The following ANGPT2 variants were observed in gnomAD, a reference collection of about 807,000 sequenced individuals.
ANGPT2 encodes angiopoietin 2, also known as angiopoietin-2.
In ANGPT2, 28 loss-of-function variants were observed where a neutral mutation model predicts 62.9. The ratio of observed to expected loss-of-function variants is 0.44; its 90% CI spans 0.33 to 0.61. The LOEUF (loss-of-function observed/expected upper bound fraction) is 0.61. Among genes scored for constraint, ANGPT2 ranks in the 20% least tolerant of loss-of-function variants. ANGPT2 has a pLI of 0.03. For missense variants in ANGPT2, 727 were observed against 594.9 expected, an observed-to-expected ratio of 1.22 and a Z score of -2.31; for synonymous variants, 284 against 207.8, an observed-to-expected ratio of 1.37 and a Z score of -3.15.
intron 8 of ANGPT2, among the ~76,000 whole-genome samples, chr8:6,505,352 T>C (rs1388130900): frequency 3.6e-5 from 2 of 55,910 alleles, no homozygotes; most frequent in African/African-American, 1.2e-4. Flanking sequence ...ATATATATTC[T>C]TTCTATATGT....
At chr8:6,515,835 A>G (rs952510515) in intron 5 of ANGPT2, among the ~76,000 whole-genome samples, 2 of 152,216 alleles carry the variant, frequency 1.3e-5, no homozygotes, top group African/African-American at 2.4e-5. Flanking sequence ...TTCAACGCAC[A>G]CTGTTCTCTG....
At chr8:6,511,552 GA>G (rs201475579) in intron 7 of ANGPT2, among the ~76,000 whole-genome samples, 3 of 151,022 alleles carry the variant, frequency 2.0e-5, no homozygotes, top group South Asian at 2.1e-4. Flanking sequence ...TTTCTTCTGG[GA>G]AAAAAAAATC....
At chr8:6,549,174 T>G (rs17623747) in intron 1 of ANGPT2, among the ~76,000 whole-genome samples, 6,476 of 152,284 alleles carry the variant, frequency 0.043, 199 homozygotes, top group East Asian at 0.095. Flanking sequence ...GTTTGTACAG[T>G]TGAGTGTTGA....
At chr8:6,512,906 T>C (rs1815464542) in intron 7 of ANGPT2, among the ~76,000 whole-genome samples, 3 of 152,246 alleles carry the variant, frequency 2.0e-5, no homozygotes, top group Non-Finnish European at 4.4e-5. Context: ...CTCTGCCATC[T>C]CTAAACTTGA....
intron 6 of ANGPT2, among the ~76,000 whole-genome samples, chr8:6,514,139 A>C (rs570146751): frequency 1.0e-3 from 153 of 152,294 alleles, no homozygotes; most frequent in African/African-American, 3.5e-3. Flanking sequence ...AGCACCATTA[A>C]ACAGTCGGCT....
chr8:6,505,350 TCTTTC>T lies in ANGPT2; in HGVS notation c.1328-2094_1328-2090del, dbSNP rs1563306408. Among the ~76,000 whole-genome samples the T allele has an allele frequency of 1.4e-3, 77 of 53,838 alleles. 3 individuals are homozygous for T. Among genetic ancestry groups the T allele is most frequent in the Admixed American group, 9.5e-3 (46 of 4,834 alleles). 35.3% of individuals were successfully genotyped at this position (53,838 alleles called of 152,430 possible). Reference sequence around the variant, plus strand: ...ATACATATAGAAAGAATATATATATTCTTTCTATATGTATATAGAATATATATATT... The same window carrying T: ...ATACATATAGAAAGAATATATATATTTATATGTATATAGAATATATATATT... On this transcript the variant is annotated intron_variant, in intron 8 of 8. Transcript: ENST00000629816.
At position 6,514,723 on chromosome 8, in the gene ANGPT2, T is replaced by A. The variant is rs200291021; in HGVS notation, c.983A>T (p.Glu328Val). ...CCTCTGAAAATCAACGCTGCCATCC[T>A]CACGTCGCTGAATAATTGTCCACCC... ...GGGWTIIQRR[E>V]DGSVDFQRTW... Residue 328 changes from glutamate to valine, a missense_variant, in exon 6 of 9, where the codon GAG (glutamate) becomes GTG (valine). Coordinates refer to ENST00000629816, the MANE Select transcript of ANGPT2 (RefSeq NM_001118887.2). 271 of 1,614,024 alleles carry A rather than the reference T, an allele frequency of 1.7e-4. No homozygotes were observed. Among genetic ancestry groups the A allele is most frequent in the Non-Finnish European group, 2.1e-4 (248 of 1,180,028 alleles).
intron 2 of ANGPT2, 23 bp from the exon 3 acceptor site, chr8:6,527,699 C>G (rs369392764): frequency 5.1e-6 from 8 of 1,573,634 alleles, no homozygotes; most frequent in Non-Finnish European, 6.9e-6. Flanking sequence ...AAATGAAGTT[C>G]CTATTAATTA....
chr8:6,543,722 T>C (rs1236852147), intron 1 of ANGPT2, among the ~76,000 whole-genome samples: 2 of 152,184 alleles, frequency 1.3e-5, no homozygotes, highest in Non-Finnish European at 2.9e-5. Context: ...ACCCCTTGTA[T>C]TGGATGAGAT....
At chr8:6,558,673 G>C (rs1185479709) in intron 1 of ANGPT2, among the ~76,000 whole-genome samples, 1 of 152,110 alleles carries the variant, frequency 6.6e-6, no homozygotes, top group Admixed American at 6.6e-5. Context: ...TAGAAGGTAA[G>C]GTTATGGAAA....
chr8:6,541,555 C>T (rs1410941377), intron 1 of ANGPT2, among the ~76,000 whole-genome samples: 2 of 152,146 alleles, frequency 1.3e-5, no homozygotes, highest in Non-Finnish European at 2.9e-5. Context: ...CGGAGACGCT[C>T]GGCAGGTCCT....
At chr8:6,520,145 C>T (rs1817038178) in intron 4 of ANGPT2, 154 bp from the exon 5 acceptor site, 2 of 771,658 alleles carry the variant, frequency 2.6e-6, no homozygotes, top group African/African-American at 1.7e-5. Flanking sequence ...TAGAAAGTTT[C>T]CTTTCAGCCT....
chr8:6,559,540 T>A (rs1193895193), intron 1 of ANGPT2, among the ~76,000 whole-genome samples: 1 of 145,934 alleles, frequency 6.9e-6, no homozygotes, highest in Non-Finnish European at 1.5e-5. Context: ...GAGGAAATGT[T>A]TGCCTCCGTA....
intron 5 of ANGPT2, 60 bp from the exon 6 acceptor site, chr8:6,514,838 A>G: frequency 7.0e-7 from 1 of 1,434,612 alleles, no homozygotes; most frequent in Non-Finnish European, 9.8e-7. Flanking sequence ...CTTACGTAGC[A>G]GAAGCAGGAG....
In ANGPT2 at chr8:6,516,402, A is replaced by G. The variant is rs150471128; in HGVS notation, c.928-1624T>C. Among the ~76,000 whole-genome samples the G allele has an allele frequency of 2.6e-5, 4 of 152,322 alleles. No homozygotes were observed. In the East Asian group the frequency reaches 7.7e-4, roughly 29 times the overall value. On this transcript the variant is annotated intron_variant, in intron 5 of 8. Transcript: ENST00000629816. ...TGATCAGTTACTCACCTTCTAAGTG[A>G]TATATAGGATTTGAATAAGGTCTCT...
chr8:6,514,659 C>T lies in ANGPT2; in HGVS notation c.1029+18G>A, dbSNP rs777582880. On this transcript the variant is annotated intron_variant, in intron 6 of 8. Coordinates refer to ENST00000629816, the MANE Select transcript of ANGPT2 (RefSeq NM_001118887.2). ...CACAAGGGAAATTCTTTTCTGATGC[C>T]TTAAAGAATGTCCTTACCACTTTAT... 2 of 1,606,394 alleles carry T rather than the reference C, an allele frequency of 1.2e-6. No homozygotes were observed. The highest frequency in any genetic ancestry group is 1.1e-5 in the South Asian group (1 of 90,890).
intron 3 of ANGPT2, among the ~76,000 whole-genome samples, chr8:6,524,468 C>T (rs1312791335): frequency 6.6e-6 from 1 of 152,186 alleles, no homozygotes; most frequent in African/African-American, 2.4e-5. Context: ...TCTGAAGCCT[C>T]CTGAGTCACT....
chr8:6,530,790 T>G (rs973209917), intron 2 of ANGPT2, among the ~76,000 whole-genome samples: 3 of 152,222 alleles, frequency 2.0e-5, no homozygotes, highest in Non-Finnish European at 4.4e-5. Flanking sequence ...ATTTCACTAC[T>G]GTTTTCTCTG....
chr8:6,509,100 G>T (rs772309086), intron 7 of ANGPT2, 38 bp from the exon 8 acceptor site: 3 of 1,598,236 alleles, frequency 1.9e-6, no homozygotes. Flanking sequence ...ATTGGCTAGG[G>T]TCATTGATTT....
Sources: gnomAD v4.1 joint callset for allele counts (sites outside exome capture counted in the v4.1 genomes callset) on GRCh38, gnomAD v4.1.1 for gene constraint, MANE v1.5 for transcripts, NCBI Gene and HGNC (gene_info 2026-07-23, HGNC 2026-07-21) for gene names.